The following GNAI3 variants were observed in gnomAD, a reference collection of about 807,000 sequenced individuals.
The protein encoded by GNAI3 is G protein subunit alpha i3, also known as guanine nucleotide-binding protein G(i) subunit alpha-3.
In GNAI3, 12 loss-of-function variants were observed where a neutral mutation model predicts 41.8. That is an observed-to-expected ratio of 0.29 (90% CI 0.18 to 0.47). The LOEUF is 0.47. GNAI3 is among the 20% of genes least tolerant of loss of function. GNAI3 has a pLI of 1.00. For synonymous variants in GNAI3, 132 were observed against 146.5 expected (o/e 0.90, Z 0.71); for missense variants, 360 against 429.6 (o/e 0.84, Z 1.43).
chr1:109,573,043 A>G (rs1648649339), intron 1 of GNAI3, among the ~76,000 whole-genome samples: 1 of 151,988 alleles, frequency 6.6e-6, no homozygotes, highest in Non-Finnish European at 1.5e-5. Context: ...CAGAATTGGG[A>G]GGGGGTTTAT....
In GNAI3 at chr1:109,592,854, A is replaced by G. The variant is rs1421939420; in HGVS notation, c.*532A>G. On this transcript the variant is annotated 3_prime_UTR_variant, in exon 9 of 9. Transcript: ENST00000369851. ...GTTTTTAACTCTTGGTATGGTCAGA[A>G]TATAATACTTCCATAATTACTTATA... The G allele has an allele frequency of 1.3e-5, 2 of 152,778 alleles. No homozygotes were observed. The highest frequency in any genetic ancestry group is 2.9e-5 in the Non-Finnish European group (2 of 68,040). 9.5% of individuals were successfully genotyped at this position (152,778 alleles called of 1,614,324 possible). A position where few individuals can be genotyped will look rare whatever the true frequency, so the allele number is the denominator to read the frequency against.
intron 5 of GNAI3, among the ~76,000 whole-genome samples, 158 bp downstream of exon 5, chr1:109,582,723 C>T (rs1648925924): frequency 6.6e-6 from 1 of 152,116 alleles, no homozygotes; most frequent in Admixed American, 6.6e-5. Flanking sequence ...TGAATGGGGG[C>T]CCAAACATCT....
Position 109,599,055 on chromosome 1 carries a change from C to CT in GNAI3, c.*6734dup, listed in dbSNP as rs201728226. 6,027 of 478,532 alleles carry CT rather than the reference C, an allele frequency of 0.013. 62 individuals carry two copies. Among genetic ancestry groups the CT allele is most frequent in the Middle Eastern group, 0.023 (68 of 2,960 alleles). 29.6% of individuals were successfully genotyped at this position (478,532 alleles called of 1,614,324 possible). ...CACCGTGGGGATGGGAAGGAATACT[C>CT]TGTTTTGGACTATTTGGAGGTACAT... On this transcript the variant is annotated 3_prime_UTR_variant, in exon 9 of 9. Transcript: ENST00000369851.
At chr1:109,581,835 G>T (rs1208517608) in intron 4 of GNAI3, among the ~76,000 whole-genome samples, 1 of 152,018 alleles carries the variant, frequency 6.6e-6, no homozygotes, top group Non-Finnish European at 1.5e-5. Flanking sequence ...GTTGCAGTGA[G>T]CCGAGTTCGC....
intron 7 of GNAI3, among the ~76,000 whole-genome samples, chr1:109,588,444 C>T (rs139400105): frequency 8.4e-4 from 127 of 152,048 alleles, no homozygotes; most frequent in Non-Finnish European, 1.2e-3. Context: ...AGATTCTGGC[C>T]GTGGTTAAGT....
At chr1:109,579,487 A>T (rs1048371758) in intron 4 of GNAI3, 126 bp downstream of exon 4, 6 of 552,850 alleles carry the variant, frequency 1.1e-5, no homozygotes, top group South Asian at 3.9e-5. Flanking sequence ...ATACTTTATA[A>T]AAATTGTCTA....
chr1:109,574,828 C>T (rs966005086), intron 3 of GNAI3, among the ~76,000 whole-genome samples: 8 of 151,752 alleles, frequency 5.3e-5, no homozygotes, highest in African/African-American at 7.3e-5. Flanking sequence ...TGTGCCATGG[C>T]GAAATAAAAG....
At position 109,594,080 on chromosome 1, in the gene GNAI3, T is replaced by C. The variant is rs1021655343; in HGVS notation, c.*1758T>C. The C allele has an allele frequency of 6.6e-6, 1 of 152,654 alleles. No homozygotes were observed. Among genetic ancestry groups the C allele is most frequent in the African/African-American group, 2.4e-5 (1 of 41,448 alleles). 9.5% of individuals were successfully genotyped at this position (152,654 alleles called of 1,614,324 possible). The stretch of plus-strand genomic sequence containing the variant: ...GCTTACAGATGGTATAACTGTATTA[T>C]ATAATGGAATTTTCTTTAGGTGTGG... On this transcript the variant is annotated 3_prime_UTR_variant, in exon 9 of 9. Coordinates refer to ENST00000369851, the MANE Select transcript of GNAI3 (RefSeq NM_006496.4).
chr1:109,557,008 T>A (rs550450634), intron 1 of GNAI3, among the ~76,000 whole-genome samples: 1 of 152,348 alleles, frequency 6.6e-6, no homozygotes, highest in South Asian at 2.1e-4. Flanking sequence ...TGATCTTGGA[T>A]CACTGCAACC....
rs138101678 is a variant in GNAI3, at chr1:109,552,018, C to T, written c.118+3180C>T. Among the ~76,000 whole-genome samples the T allele has an allele frequency of 4.5e-4, 69 of 152,018 alleles. No homozygotes were observed. In the East Asian group the frequency reaches 9.9e-3, roughly 22 times the overall value. On this transcript the variant is annotated intron_variant, in intron 1 of 8. Transcript: ENST00000369851. ...CTCTACTAAAAGTACAAAAATTAGC[C>T]GGGCGTGGTGGTGTGCACCTGTAGT...
intron 5 of GNAI3, among the ~76,000 whole-genome samples, chr1:109,583,105 A>G (rs77299387): frequency 0.012 from 1,882 of 152,368 alleles, 38 homozygotes; most frequent in African/African-American, 0.043. Flanking sequence ...AGTGTCATGT[A>G]CAATTAACTT....
intron 1 of GNAI3, among the ~76,000 whole-genome samples, chr1:109,559,780 G>A (rs1571148820): frequency 6.6e-6 from 1 of 152,142 alleles, no homozygotes; most frequent in Non-Finnish European, 1.5e-5. Flanking sequence ...TTATCTTTAA[G>A]CATTTATCTT....
chr1:109,589,058 A>G (rs1185146320), intron 7 of GNAI3, among the ~76,000 whole-genome samples: 2 of 152,218 alleles, frequency 1.3e-5, no homozygotes, highest in Non-Finnish European at 2.9e-5. Flanking sequence ...TTGAAATAAT[A>G]TCTCATGGAC....
intron 4 of GNAI3, among the ~76,000 whole-genome samples, chr1:109,582,043 G>A (rs1648902000): frequency 1.3e-5 from 2 of 151,968 alleles, no homozygotes; most frequent in Admixed American, 6.6e-5. Flanking sequence ...CACTCAGGCT[G>A]GTGTACAGTG....
At position 109,586,829 on chromosome 1, in the gene GNAI3, T is replaced by C. The variant is rs1649043291; in HGVS notation, c.821T>C (p.Phe274Ser). The C allele has an allele frequency of 6.2e-7, 1 of 1,600,704 alleles. No individual in the cohort carries two copies. Among genetic ancestry groups the C allele is most frequent in the South Asian group, 1.1e-5 (1 of 90,768 alleles). The change falls in exon 7 of 9, where the codon TTT becomes TCT. Residue 274 changes from phenylalanine (F) to serine (S), a missense_variant. Physicochemically the swap from Phe to Ser is radical, Grantham distance 155. Transcript: ENST00000369851. ...IILFLNKKDL[F>S]EEKIKRSPLT... ...CTCTTCCTTAACAAGAAAGACCTTT[T>C]TGAGGAAAAAATAAAGAGGAGTCCG...
intron 4 of GNAI3, among the ~76,000 whole-genome samples, chr1:109,581,487 T>TTTGAAA (rs1648887982): frequency 3.3e-5 from 5 of 152,140 alleles, no homozygotes; most frequent in Non-Finnish European, 7.4e-5. Context: ...CAGTACACAG[T>TTTGAAA]TGATTTAGTA....
rs1364731927 is a variant in GNAI3 at position 109,548,749 on chromosome 1, A to G, written c.29A>G (p.Lys10Arg). Reference sequence around the variant, plus strand: ...GGCTGCACGTTGAGCGCCGAAGACAAGGCGGCAGTGGAGCGAAGCAAGATG... The same window carrying G: ...GGCTGCACGTTGAGCGCCGAAGACAGGGCGGCAGTGGAGCGAAGCAAGATG... MGCTLSAED[K>R]AAVERSKMID... The change falls in exon 1 of 9, where the codon AAG becomes AGG. Residue 10 changes from lysine (K) to arginine (R), a missense_variant. Physicochemically the swap from Lys to Arg is conservative, Grantham distance 26. Transcript: ENST00000369851. 4.3e-6 allele frequency: 7 copies of G among 1,613,394 alleles called. No individual in the cohort carries two copies. Among genetic ancestry groups the G allele is most frequent in the Admixed American group, 3.3e-5 (2 of 59,948 alleles).
intron 1 of GNAI3, among the ~76,000 whole-genome samples, chr1:109,566,933 A>T (rs1180145506): frequency 6.6e-6 from 1 of 152,238 alleles, no homozygotes; most frequent in African/African-American, 2.4e-5. Flanking sequence ...AAAAGGAATC[A>T]ACCGGGAGCA....
chr1:109,557,961 G>C (rs1648204077), intron 1 of GNAI3, among the ~76,000 whole-genome samples: 1 of 152,188 alleles, frequency 6.6e-6, no homozygotes, highest in Non-Finnish European at 1.5e-5. Context: ...GACAGTGCCT[G>C]ACACCTAGTA....
Sources: allele counts gnomAD v4.1 joint callset (sites outside exome capture counted in the v4.1 genomes callset), GRCh38; gene constraint gnomAD v4.1.1; transcripts MANE v1.5; gene names NCBI Gene and HGNC (gene_info 2026-07-23, HGNC 2026-07-21).